PNP: variants seen among roughly 807,000 people sequenced by gnomAD.
PNP encodes the protein purine nucleoside phosphorylase.
A neutral mutation model predicts 26.8 loss-of-function variants in PNP; 18 were observed. The observed-to-expected ratio is 0.67, with a 90% confidence interval of 0.46 to 1.00. The LOEUF (loss-of-function observed/expected upper bound fraction) is 1.00. Ranked by LOEUF, PNP falls within the 50% of genes least tolerant of loss-of-function variation. The pLI is 0.00. For missense variants in PNP, 320 were observed against 362.9 expected (o/e 0.88, Z 0.96); for synonymous variants, 116 against 124.8 (o/e 0.93, Z 0.47).
Position 20,476,430 on chromosome 14 carries a change from T to A in PNP, c.699T>A (p.Leu233=), listed in dbSNP as rs1882114191. The A allele has an allele frequency of 1.2e-6, 2 of 1,614,120 alleles. No homozygotes were observed. The highest frequency in any genetic ancestry group is 2.7e-5 in the African/African-American group (2 of 74,948). ...PEVIVARHCG[L]RVFGFSLITN... is the part of the protein sequence containing the mutation. ...TTATCGTTGCACGGCACTGTGGACT[T>A]CGAGTCTTTGGCTTCTCACTCATCA... The change falls in exon 6 of 6, where the codon CTT becomes CTA. Residue 233 remains leucine, a synonymous_variant. Transcript: ENST00000361505.
chr14:20,475,686 T>C (rs1352132341), intron 5 of PNP, among the ~76,000 whole-genome samples: 1 of 152,170 alleles, frequency 6.6e-6, no homozygotes, highest in Non-Finnish European at 1.5e-5. Context: ...GGTTTCACCA[T>C]GTTGGCCAGG....
chr14:20,476,633 C>T lies in PNP; in HGVS notation c.*32C>T, dbSNP rs761420050. ...TTGGAGTCGTCTGGCATCTCCCACA[C>T]AAGACCCAAGTAGCTGCTACCTTCT... On this transcript the variant is annotated 3_prime_UTR_variant, in exon 6 of 6. Coordinates refer to ENST00000361505, the MANE Select transcript of PNP (RefSeq NM_000270.4). The T allele has an allele frequency of 5.1e-6, 8 of 1,558,038 alleles. No individual in the cohort carries two copies. Among genetic ancestry groups the T allele is most frequent in the Non-Finnish European group, 7.1e-6 (8 of 1,129,002 alleles).
rs1882116226 is a variant in PNP at position 20,476,470 on chromosome 14, A to G, written c.739A>G (p.Met247Val). 6.2e-7 allele frequency: 1 copy of G among 1,614,190 alleles called. No individual in the cohort carries two copies. The highest frequency in any genetic ancestry group is 8.5e-7 in the Non-Finnish European group (1 of 1,180,030). Residue 247 changes from methionine to valine, a missense_variant, in exon 6 of 6, where the codon ATG (methionine) becomes GTG (valine). Transcript: ENST00000361505. ...GFSLITNKVI[M>V]DYESLEKANH... ...CTCACTCATCACTAACAAGGTCATC[A>G]TGGATTATGAAAGCCTGGAGAAGGC...
At position 20,475,064 on chromosome 14, in the gene PNP, T is replaced by A; in HGVS notation, c.464T>A (p.Phe155Tyr). 1 of 1,614,188 alleles carries A rather than the reference T, an allele frequency of 6.2e-7. No homozygotes were observed. Among genetic ancestry groups the A allele is most frequent in the Non-Finnish European group, 8.5e-7 (1 of 1,180,038 alleles). The change falls in exon 5 of 6, where the codon TTT becomes TAT. Residue 155 changes from phenylalanine (F) to tyrosine (Y), a missense_variant and splice_region_variant. By Grantham distance (22) the Phe-to-Tyr change is conservative. Transcript: ENST00000361505. ...NPLRGPNDERFGDRFPAMSDA... is the reference protein window; with the variant it reads ...NPLRGPNDERYGDRFPAMSDA... The stretch of plus-strand genomic sequence containing the variant: ...AGATAATTCAACCTGTGTCCTAGGT[T>A]TGGAGATCGTTTCCCTGCCATGTCT...
chr14:20,473,388 C>G (rs1234299697), intron 2 of PNP: 1 of 152,226 alleles, frequency 6.6e-6, no homozygotes, highest in Non-Finnish European at 1.5e-5. Flanking sequence ...GAGACACTTG[C>G]ATGCGTTCAA....
chr14:20,472,696 G>A (rs1474446834), intron 2 of PNP: 2 of 634,686 alleles, frequency 3.2e-6, no homozygotes, highest in Non-Finnish European at 2.9e-6. Context: ...TCAGTGGACT[G>A]AGGCTAAGAC....
rs766527065 is a variant in PNP, at chr14:20,474,897, A to G, written c.410A>G (p.Asn137Ser). Residue 137 changes from asparagine (N) to serine (S), a missense_variant, in exon 4 of 6, where the codon AAC (asparagine) becomes AGC (serine). Transcript: ENST00000361505. ...GDIMLIRDHINLPGFSGQNPL... is the reference protein window; with the variant it reads ...GDIMLIRDHISLPGFSGQNPL... ...ATCATGCTGATCCGTGACCATATCAACCTACCTGGTTTCAGTGGTCAGAAC... is the reference window on the plus strand; with the variant it reads ...ATCATGCTGATCCGTGACCATATCAGCCTACCTGGTTTCAGTGGTCAGAAC... 1.7e-5 allele frequency: 28 copies of G among 1,614,066 alleles called. No homozygotes were observed. The highest frequency in any genetic ancestry group is 1.6e-4 in the Middle Eastern group (1 of 6,084).
intron 2 of PNP, chr14:20,473,223 C>T (rs1882026546): frequency 6.6e-6 from 1 of 152,148 alleles, no homozygotes; most frequent in Non-Finnish European, 1.5e-5. Flanking sequence ...TCTCCCATTC[C>T]CTAAGGGATA....
intron 5 of PNP, 124 bp downstream of exon 5, chr14:20,475,376 T>C (rs1882081393): frequency 1.3e-6 from 1 of 782,292 alleles, no homozygotes; most frequent in African/African-American, 1.7e-5. Context: ...AAGGGTGAAT[T>C]AAACTGACTT....
chr14:20,474,592 G>A lies in PNP; in HGVS notation c.285+17G>A. ...CTCTGGAAGGTAAGTCAGAGGGATA[G>A]GTCCGGTTGGATCTGGAAGAGGCAG... On this transcript the variant is annotated intron_variant, in intron 3 of 5. Coordinates refer to ENST00000361505, the MANE Select transcript of PNP (RefSeq NM_000270.4). 6.2e-7 allele frequency: 1 copy of A among 1,604,052 alleles called. No homozygotes were observed. The highest frequency in any genetic ancestry group is 2.2e-5 in the East Asian group (1 of 44,820).
rs104894454 is a variant in PNP at position 20,475,120 on chromosome 14, G to T, written c.520G>T (p.Ala174Ser). 2 of 1,614,216 alleles carry T rather than the reference G, an allele frequency of 1.2e-6. No individual in the cohort carries two copies. Among genetic ancestry groups the T allele is most frequent in the Non-Finnish European group, 1.7e-6 (2 of 1,180,040 alleles). The change falls in exon 5 of 6, where the codon GCT becomes TCT. Residue 174 changes from alanine to serine, a missense_variant. Coordinates refer to ENST00000361505, the MANE Select transcript of PNP (RefSeq NM_000270.4). ...DAYDRTMRQR[A>S]LSTWKQMGEQ... ...CTACGACCGGACTATGAGGCAGAGG[G>T]CTCTCAGTACCTGGAAACAAATGGG...
chr14:20,475,495 T>G (rs760485060), intron 5 of PNP, among the ~76,000 whole-genome samples: 25 of 152,178 alleles, frequency 1.6e-4, no homozygotes, highest in Admixed American at 3.3e-4. Flanking sequence ...ATTTGATGAC[T>G]GTTTTTTGAG....
intron 1 of PNP, among the ~76,000 whole-genome samples, chr14:20,471,364 A>C (rs1194916732): frequency 6.6e-6 from 1 of 151,770 alleles, no homozygotes; most frequent in Non-Finnish European, 1.5e-5. Context: ...ACCTGGTTTT[A>C]AAATCAAAAT....
chr14:20,476,429 T>C lies in PNP; in HGVS notation c.698T>C (p.Leu233Pro). The change falls in exon 6 of 6, where the codon CTT becomes CCT. Residue 233 changes from leucine to proline, a missense_variant. Transcript: ENST00000361505. Reference sequence around the variant, plus strand: ...GTTATCGTTGCACGGCACTGTGGACTTCGAGTCTTTGGCTTCTCACTCATC... The same window carrying C: ...GTTATCGTTGCACGGCACTGTGGACCTCGAGTCTTTGGCTTCTCACTCATC... ...PEVIVARHCG[L>P]RVFGFSLITN... is the part of the protein sequence containing the mutation. The C allele has an allele frequency of 6.2e-7, 1 of 1,614,248 alleles. No individual in the cohort carries two copies. The highest frequency in any genetic ancestry group is 8.5e-7 in the Non-Finnish European group (1 of 1,180,038).
intron 3 of PNP, 38 bp downstream of exon 3, chr14:20,474,613 G>T: frequency 6.3e-7 from 1 of 1,588,390 alleles, no homozygotes; most frequent in Non-Finnish European, 8.6e-7. Flanking sequence ...ATCTGGAAGA[G>T]GCAGGAGAGA....
chr14:20,472,929 A>C (rs1431013382), intron 2 of PNP: 1 of 218,350 alleles, frequency 4.6e-6, no homozygotes, highest in East Asian at 1.2e-4. Flanking sequence ...CTGGAAGAGC[A>C]GAGGGAGAAG....
At position 20,471,035 on chromosome 14, in the gene PNP, A is replaced by T. The variant is rs117615382; in HGVS notation, c.12-1273A>T. Among the ~76,000 whole-genome samples, 1,494 of 151,426 alleles carry T rather than the reference A, an allele frequency of 9.9e-3. 10 individuals are homozygous for T. Among genetic ancestry groups the T allele is most frequent in the Middle Eastern group, 0.021 (6 of 292 alleles). On this transcript the variant is annotated intron_variant, in intron 1 of 5. Coordinates refer to ENST00000361505, the MANE Select transcript of PNP (RefSeq NM_000270.4). ...CCTGGTTTTATTTTATTTTATTTTTATTTATTTATTTTGGAGTCGGAGTCT... is the reference window on the plus strand; with the variant it reads ...CCTGGTTTTATTTTATTTTATTTTTTTTTATTTATTTTGGAGTCGGAGTCT...
At chr14:20,472,167 T>G in intron 1 of PNP, 141 bp from the exon 2 acceptor site, 2 of 757,496 alleles carry the variant, frequency 2.6e-6, no homozygotes, top group Non-Finnish European at 4.8e-6. Flanking sequence ...TGGAAGAGCA[T>G]AGTATGGCCT....
At chr14:20,471,655 T>C (rs1881991058) in intron 1 of PNP, among the ~76,000 whole-genome samples, 1 of 152,138 alleles carries the variant, frequency 6.6e-6, no homozygotes, top group South Asian at 2.1e-4. Flanking sequence ...CTACCAGGGG[T>C]GGTCCCATTG....
Sources: allele counts gnomAD v4.1 joint callset (sites outside exome capture counted in the v4.1 genomes callset), GRCh38; gene constraint gnomAD v4.1.1; transcripts MANE v1.5; gene names NCBI Gene and HGNC (gene_info 2026-07-23, HGNC 2026-07-21).